The following GPHN variants were observed in gnomAD, a reference collection of about 807,000 sequenced individuals.
GPHN encodes the protein gephyrin.
Under a neutral mutation model 95.5 loss-of-function variants are expected in GPHN, and 17 were observed. That is an observed-to-expected ratio of 0.18 (90% confidence interval 0.12 to 0.27). GPHN has a LOEUF of 0.27. Ranked by LOEUF, GPHN falls within the 10% of genes least tolerant of loss-of-function variation. The pLI is 1.00. For missense variants in GPHN, 660 were observed against 978.1 expected (o/e 0.67, Z 4.34); for synonymous variants, 320 against 322.5 (o/e 0.99, Z 0.08).
intron 5 of GPHN, 50 bp downstream of exon 5, chr14:66,880,083 C>T (rs2063858150): frequency 4.5e-6 from 5 of 1,115,908 alleles, no homozygotes; most frequent in Admixed American, 3.4e-5. Flanking sequence ...TGAACTGTTT[C>T]CGTGATATTA....
At chr14:66,713,115 C>T (rs2069819396) in intron 2 of GPHN, among the ~76,000 whole-genome samples, 1 of 152,192 alleles carries the variant, frequency 6.6e-6, no homozygotes, top group South Asian at 2.1e-4. Context: ...TCTGTTTACT[C>T]TGCTGACTGT....
intron 1 of GPHN, among the ~76,000 whole-genome samples, chr14:66,532,242 A>T (rs189026810): frequency 6.6e-6 from 1 of 152,194 alleles, no homozygotes; most frequent in East Asian, 1.9e-4. Context: ...TTCCGGTGGC[A>T]TTTGTTGGGG....
chr14:67,197,409 C>G, the GPHN span: 1 of 152,106 alleles, frequency 6.6e-6, no homozygotes, highest in South Asian at 2.1e-4. Flanking sequence ...ATGGCCACAT[C>G]CTCTCCTGCC....
At chr14:67,073,711 T>G (rs937273860) in intron 11 of GPHN, among the ~76,000 whole-genome samples, 2 of 152,176 alleles carry the variant, frequency 1.3e-5, no homozygotes, top group Non-Finnish European at 2.9e-5. Context: ...ACATTTGTAT[T>G]TATTCCAAAC....
intron 9 of GPHN, among the ~76,000 whole-genome samples, chr14:66,999,376 C>T (rs2072060622): frequency 6.6e-6 from 1 of 151,772 alleles, no homozygotes; most frequent in Non-Finnish European, 1.5e-5. Flanking sequence ...TGAAGATACA[C>T]CTATAAGACA....
At chr14:67,364,628 G>T in the GPHN span, 2 of 836,978 alleles carry the variant, frequency 2.4e-6, no homozygotes, top group Non-Finnish European at 3.5e-6. Flanking sequence ...CACTTAAGAA[G>T]TTTCAAAGGA....
rs17103682 is a variant in GPHN, at chr14:66,680,121, A to T, written c.65-986A>T. On this transcript the variant is annotated intron_variant, in intron 1 of 22. Coordinates refer to ENST00000478722, the MANE Select transcript of GPHN (RefSeq NM_020806.5). ...GGGTGGCAGCTTTCGATACACTTAG[A>T]ATGCCTTTGATTTTAAATGTCCTAA... Among the ~76,000 whole-genome samples the T allele has an allele frequency of 6.4e-3, 971 of 152,320 alleles. 15 individuals carry two copies. The highest frequency in any genetic ancestry group is 0.022 in the African/African-American group (926 of 41,566).
the GPHN span, among the ~76,000 whole-genome samples, chr14:67,655,895 T>A: frequency 6.6e-6 from 1 of 152,202 alleles, no homozygotes. Context: ...CAGTGATGTC[T>A]AAATCTTAGG....
rs1051892365 is a variant in GPHN at position 66,525,685 on chromosome 14, G to A, written c.64+17094G>A. On this transcript the variant is annotated intron_variant, in intron 1 of 22. Transcript: ENST00000478722. ...AATTTTTGTGTAAGGTGTAAGGAAG[G>A]GGTCCAGTTTCACTTTTATGCATAT... Among the ~76,000 whole-genome samples, 8 of 152,152 alleles carry A rather than the reference G, an allele frequency of 5.3e-5. 1 individual carries two copies. In the East Asian group the frequency reaches 1.3e-3, roughly 26 times the overall value.
rs1359970521 is a variant in GPHN, at chr14:67,023,656, G to A, written c.987G>A (p.Lys329=). The A allele has an allele frequency of 6.2e-7, 1 of 1,613,466 alleles. No homozygotes were observed. Among genetic ancestry groups the A allele is most frequent in the South Asian group, 1.1e-5 (1 of 91,070 alleles). ...AGGTCCAGTCCAGGTGCAGCAGCAAGGAGAACATTCTCAGAGCCAGTAAGT... is the reference window on the plus strand; with the variant it reads ...AGGTCCAGTCCAGGTGCAGCAGCAAAGAGAACATTCTCAGAGCCAGTAAGT... The part of the protein sequence containing the change: ...TPKVQSRCSS[K]ENILRASHSA... Residue 329 remains lysine (K), a synonymous_variant, in exon 10 of 23, where the codon AAG becomes AAA. Transcript: ENST00000478722.
At chr14:66,710,936 A>G (rs955178996) in intron 2 of GPHN, among the ~76,000 whole-genome samples, 2 of 152,232 alleles carry the variant, frequency 1.3e-5, no homozygotes, top group African/African-American at 4.8e-5. Context: ...CATTATTTTC[A>G]TAATTTGAGT....
At chr14:67,714,552 A>T in the GPHN span, 1 of 162,568 alleles carries the variant, frequency 6.2e-6, no homozygotes, top group South Asian at 1.6e-4. Context: ...AAAATGAGGA[A>T]CACTAAGGGA....
rs949121944 is a variant in GPHN, at chr14:66,919,351, T to G, written c.456+3282T>G. On this transcript the variant is annotated intron_variant, in intron 6 of 22. Coordinates refer to ENST00000478722, the MANE Select transcript of GPHN (RefSeq NM_020806.5). The stretch of plus-strand genomic sequence containing the variant: ...AAAAGGAGAAGGGATAGGAAAAGAG[T>G]CAGCATGTGTGTTAAAAAAATGATT... Among the ~76,000 whole-genome samples the G allele has an allele frequency of 3.9e-5, 6 of 151,920 alleles. 1 individual carries two copies. Among genetic ancestry groups the G allele is most frequent in the African/African-American group, 1.5e-4 (6 of 41,332 alleles).
intron 4 of GPHN, among the ~76,000 whole-genome samples, chr14:66,841,689 A>G (rs2062095803): frequency 6.6e-6 from 1 of 152,150 alleles, no homozygotes. Flanking sequence ...TACTTTGGTT[A>G]TGGAAACCTG....
intron 2 of GPHN, among the ~76,000 whole-genome samples, chr14:66,696,601 A>G (rs1169713716): frequency 1.3e-5 from 2 of 152,226 alleles, no homozygotes; most frequent in Non-Finnish European, 1.5e-5. Context: ...AGCTTATACT[A>G]TAACCACCCT....
chr14:67,495,234 T>C, the GPHN span, among the ~76,000 whole-genome samples: 1 of 152,064 alleles, frequency 6.6e-6, no homozygotes, highest in Non-Finnish European at 1.5e-5. Context: ...GCCTGCCAAA[T>C]CCCTCCTGGA....
intron 19 of GPHN, among the ~76,000 whole-genome samples, chr14:67,160,993 G>A (rs750933976): frequency 7.9e-5 from 12 of 152,090 alleles, no homozygotes; most frequent in African/African-American, 7.2e-5. Flanking sequence ...TTTTATTATC[G>A]AAACTGTTGA....
At chr14:67,158,171 G>T (rs886160777) in intron 18 of GPHN, among the ~76,000 whole-genome samples, 6 of 151,718 alleles carry the variant, frequency 4.0e-5, no homozygotes, top group Non-Finnish European at 7.4e-5. Context: ...GCTGGGCGTA[G>T]TGGTGCATGC....
the GPHN span, among the ~76,000 whole-genome samples, chr14:67,720,575 C>T: frequency 3.3e-5 from 5 of 152,240 alleles, no homozygotes; most frequent in African/African-American, 9.6e-5. Context: ...ATTAAATCAT[C>T]TGTCCCTTCC....
Sources: allele counts gnomAD v4.1 joint callset (sites outside exome capture counted in the v4.1 genomes callset), GRCh38; gene constraint gnomAD v4.1.1; transcripts MANE v1.5; gene names NCBI Gene and HGNC (gene_info 2026-07-23, HGNC 2026-07-21).